NCR1: variants seen among roughly 807,000 people sequenced by gnomAD.
NCR1 encodes NK cell-activating receptor.
In NCR1, 30 loss-of-function variants were observed where a neutral mutation model predicts 32.5. The observed-to-expected ratio is 0.92, with a 90% CI of 0.69 to 1.25. The LOEUF (loss-of-function observed/expected upper bound fraction) is 1.25. Among genes scored for constraint, NCR1 ranks in the 50% most tolerant of loss-of-function variants. The pLI, the probability that NCR1 is intolerant of heterozygous loss-of-function variation, is 0.00. For synonymous variants in NCR1, 169 were observed against 143.4 expected (o/e 1.18, Z -1.28); for missense variants, 369 against 380.7 (o/e 0.97, Z 0.26).
the NCR1 span, among the ~76,000 whole-genome samples, chr19:54,921,772 CAAAAAAA>C: frequency 2.6e-4 from 24 of 93,964 alleles, no homozygotes; most frequent in African/African-American, 3.7e-4. Flanking sequence ...GACTCCATCT[CAAAAAAA>C]AAAAAAAAAA....
the NCR1 span, chr19:54,933,576 T>TGTTTACACAATTGTACC: frequency 1.2e-6 from 2 of 1,614,126 alleles, no homozygotes; most frequent in African/African-American, 2.7e-5. Flanking sequence ...TACACCAAGG[T>TGTTTACACAATTGTACC]CTGCAGTTTA....
At chr19:54,913,897 A>G (rs1026675881), downstream of NCR1, among the ~76,000 whole-genome samples, 1 of 152,000 alleles carries the variant, frequency 6.6e-6, no homozygotes, top group Admixed American at 6.6e-5. Context: ...GTGAAACCAC[A>G]TCTCTACTAA....
chr19:54,923,339 T>C, the NCR1 span, among the ~76,000 whole-genome samples: 4 of 152,160 alleles, frequency 2.6e-5, no homozygotes, highest in African/African-American at 4.8e-5. Context: ...ACTGATCACA[T>C]AGATGCACCT....
At chr19:54,923,895 A>T in the NCR1 span, 2 of 1,609,312 alleles carry the variant, frequency 1.2e-6, no homozygotes, top group Non-Finnish European at 1.7e-6. Context: ...GAGAACACAA[A>T]TGTTCCCAGA....
chr19:54,924,072 A>G, the NCR1 span, among the ~76,000 whole-genome samples: 1 of 152,114 alleles, frequency 6.6e-6, no homozygotes, highest in African/African-American at 2.4e-5. Flanking sequence ...AGTTCAAGCA[A>G]TTCTCATGCC....
downstream of NCR1, among the ~76,000 whole-genome samples, chr19:54,919,721 C>CA (rs894826186): frequency 4.8e-4 from 70 of 147,084 alleles, 3 homozygotes; most frequent in African/African-American, 1.7e-3. Context: ...GAGACCCCCC[C>CA]CCCCACCCGC....
chr19:54,930,471 AAG>A, the NCR1 span: 2 of 1,532,406 alleles, frequency 1.3e-6, no homozygotes, highest in Non-Finnish European at 1.8e-6. Flanking sequence ...CAAAAAAAGA[AAG>A]AAAGAAGAAA....
At chr19:54,905,365 T>C (rs2067522583), upstream of NCR1, among the ~76,000 whole-genome samples, 1 of 152,018 alleles carries the variant, frequency 6.6e-6, no homozygotes, top group Non-Finnish European at 1.5e-5. Flanking sequence ...ATTATTATTA[T>C]TATTTAGGTG....
chr19:54,922,328 C>A, the NCR1 span, among the ~76,000 whole-genome samples: 1 of 152,066 alleles, frequency 6.6e-6, no homozygotes, highest in African/African-American at 2.4e-5. Flanking sequence ...AGGAAAATTG[C>A]GGAGTGACTT....
the NCR1 span, chr19:54,936,119 G>A: frequency 2.8e-4 from 205 of 740,620 alleles, no homozygotes; most frequent in Non-Finnish European, 4.0e-4. Flanking sequence ...AGGAGAGGCC[G>A]ACTCCCCCAC....
downstream of NCR1, chr19:54,916,290 T>TA (rs894334921): frequency 2.0e-5 from 3 of 148,622 alleles, no homozygotes; most frequent in African/African-American, 7.4e-5. Context: ...CCCCCAGAAC[T>TA]AACTCATCTT....
chr19:54,932,694 C>T, the NCR1 span, among the ~76,000 whole-genome samples: 21,153 of 151,816 alleles, frequency 0.14, 1,764 homozygotes, highest in Middle Eastern at 0.36. Flanking sequence ...CTCACTCTGT[C>T]GCCCGGGCTG....
chr19:54,934,453 C>G, the NCR1 span: 2 of 1,611,190 alleles, frequency 1.2e-6, no homozygotes, highest in Non-Finnish European at 1.7e-6. This position sits in a 1 kb window ranked among gnomAD's most constrained non-coding sequence, Gnocchi z 6.7. Flanking sequence ...AGCCCCAGAA[C>G]TAAACCAGAG....
chr19:54,926,601 G>A, the NCR1 span, among the ~76,000 whole-genome samples: 7 of 152,006 alleles, frequency 4.6e-5, no homozygotes, highest in African/African-American at 1.4e-4. Context: ...CCAACATGGT[G>A]AAACCCCATC....
the NCR1 span, among the ~76,000 whole-genome samples, chr19:54,928,020 G>C: frequency 6.6e-6 from 1 of 152,124 alleles, no homozygotes; most frequent in Admixed American, 6.6e-5. Flanking sequence ...CTGAGGTCAG[G>C]AGTTCGAGAC....
Position 54,909,342 on chromosome 19 carries a change from C to T in NCR1, c.453C>T (p.Ser151=). The stretch of plus-strand genomic sequence containing the variant: ...ACTGCCGTCTAGACACTGCAACAAG[C>T]ATGTTCTTACTGCTCAAGGAGGGAA... The part of the protein sequence containing the change: ...TFYCRLDTAT[S]MFLLLKEGRS... The change falls in exon 4 of 7, where the codon AGC becomes AGT. Residue 151 remains serine, a synonymous_variant. Transcript: ENST00000291890. 6.2e-7 allele frequency: 1 copy of T among 1,614,152 alleles called. No individual in the cohort carries two copies. Among genetic ancestry groups the T allele is most frequent in the Non-Finnish European group, 8.5e-7 (1 of 1,180,032 alleles).
the NCR1 span, among the ~76,000 whole-genome samples, chr19:54,923,235 G>A: frequency 3.9e-5 from 6 of 152,254 alleles, no homozygotes; most frequent in East Asian, 1.9e-4. Context: ...GAGAGACCGC[G>A]GGGCCCACAG....
At chr19:54,917,458 T>C (rs2068159120), downstream of NCR1, among the ~76,000 whole-genome samples, 1 of 152,108 alleles carries the variant, frequency 6.6e-6, no homozygotes, top group South Asian at 2.1e-4. Context: ...GAGCTGGGAC[T>C]ACAGGCATGT....
At chr19:54,927,175 G>A in the NCR1 span, among the ~76,000 whole-genome samples, 2 of 151,994 alleles carry the variant, frequency 1.3e-5, no homozygotes, top group East Asian at 1.9e-4. Flanking sequence ...GCTCACCTGA[G>A]GTCAGGAGTT....
Sources: gnomAD v4.1 joint callset for allele counts (sites outside exome capture counted in the v4.1 genomes callset) on GRCh38, gnomAD v4.1.1 for gene constraint, Gnocchi (gnomAD v3.1) non-coding constraint, MANE v1.5 for transcripts, NCBI Gene and HGNC (gene_info 2026-07-23, HGNC 2026-07-21) for gene names.